Variants in GMDS observed in about 807,000 individuals in gnomAD.
The protein encoded by GMDS is GDP-mannose 4,6 dehydratase.
A neutral mutation model predicts 49.9 loss-of-function variants in GMDS; 20 were observed. The ratio of observed to expected loss-of-function variants is 0.40; its 90% CI spans 0.28 to 0.58. The LOEUF (loss-of-function observed/expected upper bound fraction) is 0.58. Ranked by LOEUF, GMDS falls within the 20% of genes least tolerant of loss-of-function variation. GMDS has a pLI of 0.42. For synonymous variants in GMDS, 177 were observed against 178.6 expected, an observed-to-expected ratio of 0.99 and a Z score of 0.07; for missense variants, 362 against 481.4, an observed-to-expected ratio of 0.75 and a Z score of 2.32.
Position 1,808,848 on chromosome 6 carries a change from T to A in GMDS, c.772-66262A>T, listed in dbSNP as rs111350977. ...CTACTGATATAAATGAGTAATTTTT[T>A]AAAAAAAATCCTAAGCTTGCTCACT... On this transcript the variant is annotated intron_variant, in intron 7 of 10. Coordinates refer to ENST00000380815, the MANE Select transcript of GMDS (RefSeq NM_001500.4). Among the ~76,000 whole-genome samples, 206 of 152,158 alleles carry A rather than the reference T, an allele frequency of 1.4e-3. 2 individuals carry two copies. The highest frequency in any genetic ancestry group is 8.9e-4 in the African/African-American group (37 of 41,520).
Position 2,051,227 on chromosome 6 carries a change from C to T in GMDS, c.345+64544G>A, listed in dbSNP as rs567411919. On this transcript the variant is annotated intron_variant, in intron 4 of 10. Transcript: ENST00000380815. ...TCCCCTGGAGCCTCTAGAAGGACACCGCCTGCCAGTGTCACCTATGTTGGC... is the reference window on the plus strand; with the variant it reads ...TCCCCTGGAGCCTCTAGAAGGACACTGCCTGCCAGTGTCACCTATGTTGGC... Among the ~76,000 whole-genome samples, 74 of 152,276 alleles carry T rather than the reference C, an allele frequency of 4.9e-4. 2 individuals carry two copies. The South Asian group carries it at 6.4e-3, about 13-fold the overall frequency.
intron 4 of GMDS, among the ~76,000 whole-genome samples, chr6:2,081,769 C>T (rs1047990784): frequency 4.6e-5 from 7 of 152,062 alleles, no homozygotes; most frequent in East Asian, 1.9e-4. Flanking sequence ...AAAAATTCAG[C>T]GTAGGTGAAT....
chr6:2,214,639 C>T (rs1780235058), intron 1 of GMDS, among the ~76,000 whole-genome samples: 1 of 152,062 alleles, frequency 6.6e-6, no homozygotes, highest in Admixed American at 6.6e-5. Context: ...TCATGGATAC[C>T]AAGGAATGAT....
chr6:2,110,179 C>T (rs1251547238), intron 4 of GMDS, among the ~76,000 whole-genome samples: 1 of 152,068 alleles, frequency 6.6e-6, no homozygotes, highest in Admixed American at 6.5e-5. Context: ...AGACTCCCAC[C>T]TTTCACCAAC....
At chr6:2,051,108 T>C (rs1382812290) in intron 4 of GMDS, among the ~76,000 whole-genome samples, 1 of 151,986 alleles carries the variant, frequency 6.6e-6, no homozygotes, top group East Asian at 1.9e-4. Flanking sequence ...AAAATACAAT[T>C]TAAAAAAAAC....
intron 7 of GMDS, among the ~76,000 whole-genome samples, chr6:1,829,655 GT>G (rs1771267226): frequency 1.3e-5 from 2 of 152,190 alleles, no homozygotes; most frequent in South Asian, 4.1e-4. Context: ...GGCTGGGCTG[GT>G]TGTGAACTCC....
chr6:2,048,833 A>T (rs772962040), intron 4 of GMDS, among the ~76,000 whole-genome samples: 1 of 152,120 alleles, frequency 6.6e-6, no homozygotes, highest in African/African-American at 2.4e-5. Flanking sequence ...AATACAACTG[A>T]TTTTATCCAC....
intron 4 of GMDS, among the ~76,000 whole-genome samples, chr6:2,023,797 A>C (rs1003821355): frequency 1.3e-5 from 2 of 152,210 alleles, no homozygotes; most frequent in African/African-American, 2.4e-5. Context: ...CTGCACAAAA[A>C]CCAAAAAGTT....
At chr6:1,918,177 C>T (rs915843630) in intron 7 of GMDS, among the ~76,000 whole-genome samples, 15 of 151,992 alleles carry the variant, frequency 9.9e-5, no homozygotes, top group Admixed American at 5.9e-4. Flanking sequence ...GAGAGTGTGA[C>T]GGTTTTCCAT....
At chr6:2,183,769 A>T (rs996467808) in intron 1 of GMDS, among the ~76,000 whole-genome samples, 1 of 152,116 alleles carries the variant, frequency 6.6e-6, no homozygotes, top group African/African-American at 2.4e-5. Context: ...AGCCACCCCA[A>T]CCTTCAGCAA....
intron 1 of GMDS, among the ~76,000 whole-genome samples, chr6:2,154,863 C>CCAATAAATAAAAAAAAAAAAAAA (rs1777025673): frequency 1.5e-5 from 1 of 65,626 alleles, no homozygotes; most frequent in African/African-American, 4.9e-5. Context: ...TGAAGAGATG[C>CCAATAAATAAAAAAAAAAAAAAA]AAAAAAAAAA....
intron 4 of GMDS, among the ~76,000 whole-genome samples, chr6:2,047,449 C>T (rs561005950): frequency 2.6e-4 from 39 of 152,334 alleles, no homozygotes; most frequent in Admixed American, 9.1e-4. Flanking sequence ...CACATGACTT[C>T]TAAAACCTGA....
chr6:2,069,277 T>G (rs916302368), intron 4 of GMDS, among the ~76,000 whole-genome samples: 2 of 152,180 alleles, frequency 1.3e-5, no homozygotes, highest in Admixed American at 6.5e-5. Flanking sequence ...CAAGATGGAT[T>G]AAAGACTTAA....
chr6:1,790,783 TTAAG>T (rs1361699907), intron 7 of GMDS, among the ~76,000 whole-genome samples: 1 of 152,166 alleles, frequency 6.6e-6, no homozygotes, highest in African/African-American at 2.4e-5. Flanking sequence ...TACTTAGGGA[TTAAG>T]TGTGAAGAAG....
At chr6:1,946,677 C>T (rs73425583) in intron 6 of GMDS, among the ~76,000 whole-genome samples, 2 of 152,222 alleles carry the variant, frequency 1.3e-5, no homozygotes, top group South Asian at 4.2e-4. Context: ...CTGAAAACAT[C>T]AAGCAGGTAC....
chr6:1,665,749 G>A (rs1764215302), intron 9 of GMDS, among the ~76,000 whole-genome samples: 2 of 152,168 alleles, frequency 1.3e-5, no homozygotes, highest in African/African-American at 2.4e-5. Context: ...GAGGATACAC[G>A]TGTGCCTTGC....
Position 2,245,392 on chromosome 6 carries a change from C to A in GMDS, c.31G>T (p.Ala11Ser), listed in dbSNP as rs1323612739. The change falls in exon 1 of 11, where the codon GCC (alanine) becomes TCC (serine). Residue 11 changes from alanine to serine, a missense_variant. Ala to Ser is a moderately conservative substitution (Grantham distance 99, BLOSUM62 1). Coordinates refer to ENST00000380815, the MANE Select transcript of GMDS (RefSeq NM_001500.4). MAHAPARCPS[A>S]RGSGDGEMGK... Reference sequence around the variant, plus strand: ...ATCTCGCCGTCCCCGGAGCCCCGGGCGCTGGGGCAGCGTGCCGGTGCGTGT... The same window carrying A: ...ATCTCGCCGTCCCCGGAGCCCCGGGAGCTGGGGCAGCGTGCCGGTGCGTGT... 7 of 1,540,804 alleles carry A rather than the reference C, an allele frequency of 4.5e-6. No individual in the cohort carries two copies. Among genetic ancestry groups the A allele is most frequent in the South Asian group, 3.5e-5 (3 of 84,514 alleles).
intron 7 of GMDS, among the ~76,000 whole-genome samples, chr6:1,883,469 T>A (rs913221431): frequency 1.3e-5 from 2 of 152,208 alleles, no homozygotes; most frequent in African/African-American, 4.8e-5. Context: ...CATTGATTAA[T>A]GGATTTTTAA....
At chr6:1,756,637 C>A (rs1024892417) in intron 7 of GMDS, among the ~76,000 whole-genome samples, 1 of 152,134 alleles carries the variant, frequency 6.6e-6, no homozygotes, top group Non-Finnish European at 1.5e-5. Flanking sequence ...GAGGACAGTT[C>A]CTCTCTGCTC....
Sources: gnomAD v4.1 joint callset for allele counts (sites outside exome capture counted in the v4.1 genomes callset) on GRCh38, gnomAD v4.1.1 for gene constraint, MANE v1.5 for transcripts, NCBI Gene and HGNC (gene_info 2026-07-23, HGNC 2026-07-21) for gene names.